The following TSHZ1 variants were observed in gnomAD, a reference collection of about 807,000 sequenced individuals.
The protein encoded by TSHZ1 is teashirt homolog 1.
In TSHZ1, 12 loss-of-function variants were observed where a neutral mutation model predicts 67.1. That is an observed-to-expected ratio of 0.18 (90% confidence interval 0.11 to 0.29). The LOEUF is 0.29. TSHZ1 is among the 10% of genes least tolerant of loss of function. The probability of loss-of-function intolerance (pLI) is 1.00; values close to 1 mark genes in which losing one functional copy is unlikely to be tolerated. For missense variants in TSHZ1, 1,305 were observed against 1,413.9 expected (o/e 0.92, Z 1.23); for synonymous variants, 632 against 622.4 (o/e 1.02, Z -0.23).
chr18:75,267,293 T>G (rs908612051), intron 1 of TSHZ1, among the ~76,000 whole-genome samples: 2 of 152,252 alleles, frequency 1.3e-5, no homozygotes, highest in African/African-American at 4.8e-5. Flanking sequence ...TGCTGCATCT[T>G]GGACACATAG....
intron 1 of TSHZ1, among the ~76,000 whole-genome samples, chr18:75,228,313 A>C (rs980598132): frequency 1.3e-5 from 2 of 152,216 alleles, no homozygotes; most frequent in Admixed American, 1.3e-4. Context: ...TGAATGGTGC[A>C]ACAGACTCTG....
intron 1 of TSHZ1, among the ~76,000 whole-genome samples, chr18:75,277,514 G>T (rs551556222): frequency 6.6e-6 from 1 of 152,170 alleles, no homozygotes; most frequent in Admixed American, 6.5e-5. Flanking sequence ...TTCTGGGCTT[G>T]GGAGGTGGGA....
chr18:75,281,846 C>T lies in TSHZ1; in HGVS notation c.41-3602C>T, dbSNP rs1031392610. On this transcript the variant is annotated intron_variant, in intron 1 of 1. Coordinates refer to ENST00000580243, the MANE Select transcript of TSHZ1 (RefSeq NM_001308210.2). The surrounding 1 kb of genome is among the most constrained non-coding windows in gnomAD (Gnocchi z 5.3). ...TAGGTGCGGGCAGGGAGAGCCCGAA[C>T]CTGTGGGGGCCCAGCCTTCACCCTG... Among the ~76,000 whole-genome samples, 1 of 152,092 alleles carries T rather than the reference C, an allele frequency of 6.6e-6. No individual in the cohort carries two copies. Among genetic ancestry groups the T allele is most frequent in the Non-Finnish European group, 1.5e-5 (1 of 68,000 alleles).
At chr18:75,271,138 A>G (rs1175750423) in intron 1 of TSHZ1, among the ~76,000 whole-genome samples, 1 of 152,212 alleles carries the variant, frequency 6.6e-6, no homozygotes, top group Admixed American at 6.5e-5. Flanking sequence ...CTGTGTCTAG[A>G]GACGTGGTTG....
intron 1 of TSHZ1, among the ~76,000 whole-genome samples, chr18:75,261,952 A>C (rs746199262): frequency 1.3e-5 from 2 of 152,154 alleles, no homozygotes; most frequent in Non-Finnish European, 2.9e-5. Context: ...TTGAGAAGGA[A>C]GAGTTGGAGG....
At chr18:75,220,693 G>A (rs2022834832) in intron 1 of TSHZ1, among the ~76,000 whole-genome samples, 2 of 152,084 alleles carry the variant, frequency 1.3e-5, no homozygotes, top group South Asian at 2.1e-4. Flanking sequence ...TCGCTAAGCC[G>A]CTTGTTTAAC....
At chr18:75,280,003 G>A (rs2023665422) in intron 1 of TSHZ1, among the ~76,000 whole-genome samples, 2 of 152,162 alleles carry the variant, frequency 1.3e-5, no homozygotes, top group African/African-American at 2.4e-5. Context: ...AATAACTTGT[G>A]TATTTATTAT....
At position 75,211,024 on chromosome 18, in the gene TSHZ1, ATTTTTCAAAT is replaced by A. The variant is rs2022673481; in HGVS notation, c.-847_-838del. On this transcript the variant is annotated 5_prime_UTR_variant, in exon 1 of 2. It introduces an in-frame stop codon into an upstream open reading frame of the 5' UTR. Coordinates refer to ENST00000580243, the MANE Select transcript of TSHZ1 (RefSeq NM_001308210.2). The stretch of plus-strand genomic sequence containing the variant: ...TTGGAGGGGGGGGTGCTTTTTGTGT[ATTTTTCAAAT>A]TTTTTTCTGTTGGAAGATCAAGACC... 7.2e-6 allele frequency: 1 copy of A among 138,214 alleles called. No homozygotes were observed. Among genetic ancestry groups the A allele is most frequent in the Non-Finnish European group, 1.5e-5 (1 of 64,524 alleles). The allele number at this position is 138,214 out of a possible 1,614,324, so 8.6% of individuals were successfully genotyped here.
At position 75,286,373 on chromosome 18, in the gene TSHZ1, C is replaced by G. The variant is rs756055482; in HGVS notation, c.966C>G (p.Leu322=). 2.5e-6 allele frequency: 4 copies of G among 1,614,186 alleles called. No individual in the cohort carries two copies. Among genetic ancestry groups the G allele is most frequent in the Non-Finnish European group, 3.4e-6 (4 of 1,180,038 alleles). ...ACTCCTTTGAGTCCTTGCAGGACCT[C>G]AGCGTCCACATGATCAAAACCAAGC... ...CGHSFESLQD[L]SVHMIKTKHY... Residue 322 remains leucine, a synonymous_variant, in exon 2 of 2, where the codon CTC becomes CTG. Transcript: ENST00000580243. The surrounding 1 kb of genome is among the most constrained non-coding windows in gnomAD (Gnocchi z 5.1).
intron 1 of TSHZ1, among the ~76,000 whole-genome samples, chr18:75,230,558 A>G (rs898808429): frequency 1.3e-5 from 2 of 152,166 alleles, no homozygotes; most frequent in East Asian, 3.9e-4. Context: ...GATTTATGGT[A>G]GTTATTCATC....
intron 1 of TSHZ1, among the ~76,000 whole-genome samples, chr18:75,279,804 C>T (rs1027748122): frequency 1.3e-5 from 2 of 152,362 alleles, no homozygotes; most frequent in Non-Finnish European, 1.5e-5. Flanking sequence ...CTGCCATTCT[C>T]CGTGCTCCCC....
chr18:75,232,986 T>C (rs2023019886), intron 1 of TSHZ1, among the ~76,000 whole-genome samples: 1 of 152,018 alleles, frequency 6.6e-6, no homozygotes, highest in Non-Finnish European at 1.5e-5. Flanking sequence ...GGACTGGGGG[T>C]CTGTATTGGT....
intron 1 of TSHZ1, among the ~76,000 whole-genome samples, chr18:75,223,983 G>A (rs1424524800): frequency 6.7e-6 from 1 of 149,812 alleles, no homozygotes; most frequent in Non-Finnish European, 1.5e-5. Flanking sequence ...TCTGAGCAGA[G>A]TGCAAATCAT....
chr18:75,215,138 C>T (rs901998215), intron 1 of TSHZ1, among the ~76,000 whole-genome samples: 1 of 152,142 alleles, frequency 6.6e-6, no homozygotes, highest in African/African-American at 2.4e-5. Flanking sequence ...GCTGAAGACC[C>T]TCATGGTTAT....
intron 1 of TSHZ1, among the ~76,000 whole-genome samples, chr18:75,274,933 G>A (rs934473666): frequency 6.6e-6 from 1 of 152,204 alleles, no homozygotes; most frequent in Non-Finnish European, 1.5e-5. Flanking sequence ...TTGGTTTCCA[G>A]TCAAGTATAG....
At chr18:75,259,736 C>T (rs979296326) in intron 1 of TSHZ1, among the ~76,000 whole-genome samples, 11 of 152,210 alleles carry the variant, frequency 7.2e-5, no homozygotes, top group African/African-American at 2.6e-4. Flanking sequence ...GAAGAAAAAA[C>T]AGTATGTATA....
At chr18:75,258,331 C>T (rs767627788) in intron 1 of TSHZ1, among the ~76,000 whole-genome samples, 1 of 152,206 alleles carries the variant, frequency 6.6e-6, no homozygotes, top group Non-Finnish European at 1.5e-5. Flanking sequence ...GAGCTTGTAT[C>T]TCATATGCTC....
In TSHZ1 at chr18:75,286,939, G is replaced by T; in HGVS notation, c.1532G>T (p.Gly511Val). Residue 511 changes from glycine to valine, a missense_variant, in exon 2 of 2, where the codon GGC (glycine) becomes GTC (valine). Gly to Val is a moderately radical substitution (Grantham distance 109). Around this residue, in one of 3 missense-constraint regions of TSHZ1, gnomAD observed 909 missense variants for 961.8 expected, o/e 0.95. Transcript: ENST00000580243. This position sits in a 1 kb window ranked among gnomAD's most constrained non-coding sequence, Gnocchi z 5.1. ...GAGAAGGAGAAGCCGCCTGTGGCTG[G>T]CGACGCGGAGAAGATCAAGGAGGAG... ...EPEKEKPPVA[G>V]DAEKIKEESE... is the part of the protein sequence containing the mutation. 4 of 1,614,166 alleles carry T rather than the reference G, an allele frequency of 2.5e-6. No homozygotes were observed. Among genetic ancestry groups the T allele is most frequent in the Non-Finnish European group, 3.4e-6 (4 of 1,180,028 alleles).
intron 1 of TSHZ1, among the ~76,000 whole-genome samples, chr18:75,237,835 G>A (rs751836980): frequency 4.0e-5 from 4 of 101,038 alleles, no homozygotes; most frequent in Middle Eastern, 5.7e-3. Flanking sequence ...TTTTTGAGAC[G>A]GGGTTTCACT....
Sources: allele counts gnomAD v4.1 joint callset (sites outside exome capture counted in the v4.1 genomes callset), GRCh38; gene constraint gnomAD v4.1.1; regional missense constraint gnomAD v4.1.1; non-coding constraint Gnocchi (gnomAD v3.1); transcripts MANE v1.5; gene names NCBI Gene and HGNC (gene_info 2026-07-23, HGNC 2026-07-21).